The following TIAM2 variants were observed in gnomAD, a reference collection of about 807,000 sequenced individuals.
The protein encoded by TIAM2 is TIAM Rac1 associated GEF 2.
In TIAM2, 80 loss-of-function variants were observed where a neutral mutation model predicts 152.9. The observed-to-expected ratio is 0.52, with a 90% confidence interval of 0.44 to 0.63. The LOEUF (loss-of-function observed/expected upper bound fraction) is 0.63. Among genes scored for constraint, TIAM2 ranks in the 30% least tolerant of loss-of-function variants. The pLI is 0.00. For synonymous variants in TIAM2, 804 were observed against 838.0 expected (o/e 0.96, Z 0.70); for missense variants, 1,965 against 2,120.1 (o/e 0.93, Z 1.44).
At chr6:155,099,911 G>A (rs1165102547) in intron 2 of TIAM2, among the ~76,000 whole-genome samples, 1 of 152,232 alleles carries the variant, frequency 6.6e-6, no homozygotes, top group Non-Finnish European at 1.5e-5. Flanking sequence ...AACCTGTATG[G>A]CATGTGACTG....
intron 7 of TIAM2, among the ~76,000 whole-genome samples, chr6:155,150,280 A>G (rs1463574174): frequency 6.6e-6 from 1 of 152,228 alleles, no homozygotes; most frequent in Non-Finnish European, 1.5e-5. Flanking sequence ...TTAGAGAGCA[A>G]GCCTTATGAA....
chr6:155,132,974 C>A (rs980198587), intron 4 of TIAM2, among the ~76,000 whole-genome samples: 1 of 152,194 alleles, frequency 6.6e-6, no homozygotes, highest in African/African-American at 2.4e-5. Context: ...ACCCTCCCTG[C>A]GTCTCCTACC....
At chr6:155,074,012 G>A (rs1186953251) in intron 1 of TIAM2, among the ~76,000 whole-genome samples, 6 of 152,194 alleles carry the variant, frequency 3.9e-5, no homozygotes, top group Non-Finnish European at 7.3e-5. Context: ...GGAACTCAAC[G>A]CTTGAGCCAA....
intron 2 of TIAM2, among the ~76,000 whole-genome samples, chr6:155,111,283 C>T (rs1346582276): frequency 6.8e-6 from 1 of 147,084 alleles, no homozygotes; most frequent in African/African-American, 2.5e-5. Context: ...GGAAAGTGTC[C>T]ATATATTCTT....
intron 15 of TIAM2, among the ~76,000 whole-genome samples, chr6:155,226,284 T>TG (rs1782239064): frequency 6.6e-6 from 1 of 152,054 alleles, no homozygotes; most frequent in African/African-American, 2.4e-5. Flanking sequence ...AATGTACCAG[T>TG]GGGGAATGGG....
intron 2 of TIAM2, among the ~76,000 whole-genome samples, chr6:155,110,327 TTTG>T (rs1393500728): frequency 6.6e-6 from 1 of 150,642 alleles, no homozygotes; most frequent in Non-Finnish European, 1.5e-5. Context: ...TCTTTTTTTT[TTTG>T]TTGTTCTTTC....
At chr6:155,003,938 A>T (rs972803582) in intron 1 of TIAM2, among the ~76,000 whole-genome samples, 3 of 152,214 alleles carry the variant, frequency 2.0e-5, no homozygotes, top group Non-Finnish European at 4.4e-5. Context: ...GCCAAGATTG[A>T]CGGAGCGAGA....
At position 155,164,441 on chromosome 6, in the gene TIAM2, G is replaced by A. The variant is rs1287198494; in HGVS notation, c.2055G>A (p.Glu685=). 1 of 1,597,034 alleles carries A rather than the reference G, an allele frequency of 6.3e-7. No individual in the cohort carries two copies. Among genetic ancestry groups the A allele is most frequent in the East Asian group, 2.2e-5 (1 of 44,456 alleles). The change falls in exon 8 of 27, where the codon GAG becomes GAA. Residue 685 remains glutamate (E), a synonymous_variant. Transcript: ENST00000682666. ...TCCAGCAATGGGAGCAGAATCTTGA[G>A]AAATTTCACATGGATCTGTTCAGGA... ...NQIQQWEQNL[E]KFHMDLFRMR... is the part of the protein sequence containing the mutation.
intron 4 of TIAM2, among the ~76,000 whole-genome samples, chr6:155,132,648 G>C (rs968100358): frequency 6.6e-6 from 1 of 152,238 alleles, no homozygotes; most frequent in Non-Finnish European, 1.5e-5. Flanking sequence ...GGGAGACGCA[G>C]CTTCTGCTTA....
chr6:155,218,414 A>C lies in TIAM2; in HGVS notation c.3168+7107A>C, dbSNP rs1781923860. Among the ~76,000 whole-genome samples, 2 of 152,122 alleles carry C rather than the reference A, an allele frequency of 1.3e-5. No individual in the cohort carries two copies. Among genetic ancestry groups the C allele is most frequent in the Admixed American group, 1.3e-4 (2 of 15,278 alleles). On this transcript the variant is annotated intron_variant, in intron 15 of 26. Coordinates refer to ENST00000682666, the MANE Select transcript of TIAM2 (RefSeq NM_012454.4). The surrounding 1 kb of genome is among the most constrained non-coding windows in gnomAD (Gnocchi z 4.5). ...TGGAGGCAGTGGTATGTTGGAAAGA[A>C]CTCGACCTGATGCTTAAACCTGAAT...
At chr6:155,131,402 A>T (rs1040679703) in intron 4 of TIAM2, among the ~76,000 whole-genome samples, 1 of 151,862 alleles carries the variant, frequency 6.6e-6, no homozygotes, top group African/African-American at 2.4e-5. Flanking sequence ...AGAATTGGTT[A>T]TCTGAGAATT....
chr6:155,230,836 C>CTT (rs11403366), intron 15 of TIAM2, among the ~76,000 whole-genome samples: 141 of 141,018 alleles, frequency 1.0e-3, no homozygotes, highest in South Asian at 2.0e-3. Context: ...GGCAGAGCTA[C>CTT]TTTTTTTTTT....
intron 10 of TIAM2, among the ~76,000 whole-genome samples, chr6:155,178,595 T>C (rs910585676): frequency 1.3e-5 from 2 of 152,088 alleles, no homozygotes; most frequent in African/African-American, 2.4e-5. Context: ...TTTATTTGAG[T>C]TGGAGTCTTG....
At chr6:155,074,560 T>C (rs903307505) in intron 1 of TIAM2, among the ~76,000 whole-genome samples, 20 of 152,030 alleles carry the variant, frequency 1.3e-4, no homozygotes, top group African/African-American at 4.3e-4. Flanking sequence ...GTGGGCCAGG[T>C]GGGTCTCGAA....
chr6:155,150,008 C>T (rs753873191), intron 7 of TIAM2, among the ~76,000 whole-genome samples: 1 of 151,862 alleles, frequency 6.6e-6, no homozygotes, highest in African/African-American at 2.4e-5. Context: ...AATGATACAC[C>T]GAGAATTTGG....
intron 26 of TIAM2, chr6:155,256,233 G>C: frequency 3.3e-6 from 2 of 603,984 alleles, no homozygotes; most frequent in Non-Finnish European, 5.8e-6. Context: ...CTAGTGTCTA[G>C]TTCTATTTAC....
At chr6:155,148,429 C>T (rs902734077) in intron 7 of TIAM2, 95 bp downstream of exon 7, 3 of 1,265,674 alleles carry the variant, frequency 2.4e-6, no homozygotes, top group African/African-American at 1.5e-5. Flanking sequence ...TTTCTTGGCT[C>T]ACATCTTGGT....
chr6:155,051,980 CCT>C (rs879438427), intron 1 of TIAM2, among the ~76,000 whole-genome samples: 49 of 152,084 alleles, frequency 3.2e-4, no homozygotes, highest in Non-Finnish European at 6.2e-4. Context: ...TGAAATCTCC[CCT>C]CTTTTAAAGA....
At chr6:155,159,057 C>CT (rs1341543283) in intron 7 of TIAM2, among the ~76,000 whole-genome samples, 2 of 152,094 alleles carry the variant, frequency 1.3e-5, no homozygotes, top group African/African-American at 4.8e-5. Flanking sequence ...AAAAGATTGT[C>CT]TTTTTTTCCT....
Sources: gnomAD v4.1 joint callset for allele counts (sites outside exome capture counted in the v4.1 genomes callset) on GRCh38, gnomAD v4.1.1 for gene constraint, Gnocchi (gnomAD v3.1) non-coding constraint, MANE v1.5 for transcripts, NCBI Gene and HGNC (gene_info 2026-07-23, HGNC 2026-07-21) for gene names.